Variants in ADGRB3 observed in about 807,000 individuals in gnomAD.
The protein encoded by ADGRB3 is brain-specific angiogenesis inhibitor 3.
ADGRB3 carries 37 observed loss-of-function variants against 193.4 expected under a neutral mutation model. The observed-to-expected ratio is 0.19, with a 90% CI of 0.15 to 0.25. The LOEUF (loss-of-function observed/expected upper bound fraction) is 0.25. ADGRB3 is among the 10% of genes least tolerant of loss of function. The pLI, the probability that ADGRB3 is intolerant of heterozygous loss-of-function variation, is 1.00. For synonymous variants in ADGRB3, 690 were observed against 644.2 expected (o/e 1.07, Z -1.08); for missense variants, 1,637 against 1,852.9 (o/e 0.88, Z 2.14).
intron 3 of ADGRB3, among the ~76,000 whole-genome samples, chr6:68,803,797 C>T (rs1005016518): frequency 6.6e-6 from 1 of 152,180 alleles, no homozygotes; most frequent in Non-Finnish European, 1.5e-5. Context: ...TATTTACCTT[C>T]AGTTCAATAC....
intron 13 of ADGRB3, among the ~76,000 whole-genome samples, chr6:69,041,229 G>A (rs922792679): frequency 6.6e-6 from 1 of 152,134 alleles, no homozygotes; most frequent in Admixed American, 6.5e-5. Flanking sequence ...AGGGTGCAGA[G>A]GACTAGTAGA....
chr6:68,722,054 T>G (rs1765593836), intron 3 of ADGRB3, among the ~76,000 whole-genome samples: 2 of 151,788 alleles, frequency 1.3e-5, no homozygotes, highest in Non-Finnish European at 2.9e-5. Flanking sequence ...TTTTTAGTTA[T>G]CTAACACAGA....
chr6:68,876,189 A>AT (rs1201552977), intron 3 of ADGRB3, among the ~76,000 whole-genome samples: 16 of 152,180 alleles, frequency 1.1e-4, no homozygotes, highest in Admixed American at 6.5e-4. Context: ...TACTATACAC[A>AT]TATACAAGAT....
chr6:69,182,489 C>A (rs556329968), intron 17 of ADGRB3, among the ~76,000 whole-genome samples: 275 of 150,256 alleles, frequency 1.8e-3, no homozygotes, highest in African/African-American at 6.2e-3. Context: ...GCATTGGATT[C>A]TGAATCACTG....
At chr6:69,042,278 A>G (rs1426675592) in intron 13 of ADGRB3, among the ~76,000 whole-genome samples, 1 of 152,304 alleles carries the variant, frequency 6.6e-6, no homozygotes, top group East Asian at 1.9e-4. Flanking sequence ...TTGCAACACG[A>G]GAACAGCCTA....
intron 17 of ADGRB3, among the ~76,000 whole-genome samples, chr6:69,216,097 T>A (rs889086357): frequency 5.9e-5 from 9 of 152,196 alleles, no homozygotes; most frequent in Non-Finnish European, 1.2e-4. Flanking sequence ...AATATTATAA[T>A]GGTTTTGGTG....
At chr6:69,121,751 G>T (rs953663458) in intron 17 of ADGRB3, among the ~76,000 whole-genome samples, 1 of 151,142 alleles carries the variant, frequency 6.6e-6, no homozygotes, top group African/African-American at 2.4e-5. Flanking sequence ...GGGCAGCCAG[G>T]CGTAGGCGCT....
intron 13 of ADGRB3, among the ~76,000 whole-genome samples, chr6:69,030,836 CCTCTTCTCTT>C (rs368217609): frequency 6.6e-6 from 1 of 151,566 alleles, no homozygotes; most frequent in Non-Finnish European, 1.5e-5. Context: ...TTTTCTTTTT[CCTCTTCTCTT>C]CTCTTCTCTT....
intron 17 of ADGRB3, among the ~76,000 whole-genome samples, chr6:69,225,828 C>G (rs376452182): frequency 1.3e-5 from 2 of 152,148 alleles, no homozygotes; most frequent in East Asian, 3.9e-4. Context: ...CACCACAACA[C>G]CTAACACTGA....
At chr6:69,214,276 A>G (rs1765728244) in intron 17 of ADGRB3, among the ~76,000 whole-genome samples, 2 of 152,122 alleles carry the variant, frequency 1.3e-5, no homozygotes, top group South Asian at 4.1e-4. Flanking sequence ...GTGTGGTGCT[A>G]CCCTGAGGCA....
chr6:69,295,653 G>T (rs555652906), intron 20 of ADGRB3, among the ~76,000 whole-genome samples: 1 of 152,166 alleles, frequency 6.6e-6, no homozygotes, highest in South Asian at 2.1e-4. Context: ...CCACCTCTAC[G>T]CTGGTGATGC....
chr6:69,061,138 A>G (rs1771736093), intron 15 of ADGRB3, among the ~76,000 whole-genome samples: 1 of 151,972 alleles, frequency 6.6e-6, no homozygotes, highest in South Asian at 2.1e-4. Flanking sequence ...CAAAAACAAA[A>G]TAGACTTATG....
chr6:69,141,856 G>GCA lies in ADGRB3; in HGVS notation c.2480+65821_2480+65822dup, dbSNP rs372474673. Among the ~76,000 whole-genome samples, 42 of 152,288 alleles carry GCA rather than the reference G, an allele frequency of 2.8e-4. 1 individual carries two copies. Among genetic ancestry groups the GCA allele is most frequent in the African/African-American group, 9.6e-4 (40 of 41,556 alleles). On this transcript the variant is annotated intron_variant, in intron 17 of 31. Transcript: ENST00000370598. ...TCCATTTTAAGATAAGAAAATAAAA[G>GCA]CACAGGGCAGCTGAGATTTGCCTAT...
chr6:69,306,806 T>G (rs1369674324), intron 20 of ADGRB3, among the ~76,000 whole-genome samples: 1 of 151,358 alleles, frequency 6.6e-6, no homozygotes, highest in Non-Finnish European at 1.5e-5. Flanking sequence ...CAGTGTGAAA[T>G]GTACTAATGG....
At chr6:68,666,104 A>G (rs1319513536) in intron 3 of ADGRB3, among the ~76,000 whole-genome samples, 1 of 151,918 alleles carries the variant, frequency 6.6e-6, no homozygotes, top group Non-Finnish European at 1.5e-5. Context: ...GTTCTTCATT[A>G]ATAAATATCT....
At chr6:68,816,688 C>T (rs1435297515) in intron 3 of ADGRB3, among the ~76,000 whole-genome samples, 1 of 151,892 alleles carries the variant, frequency 6.6e-6, no homozygotes, top group Non-Finnish European at 1.5e-5. Flanking sequence ...GATTCCTTCT[C>T]TTTACTTTGC....
intron 3 of ADGRB3, among the ~76,000 whole-genome samples, chr6:68,872,548 G>T (rs1273191914): frequency 6.6e-6 from 1 of 152,064 alleles, no homozygotes; most frequent in Admixed American, 6.6e-5. Flanking sequence ...TTAAGTAATA[G>T]TGTTATTAAA....
Position 69,388,795 on chromosome 6 carries a change from G to A in ADGRB3, c.4473G>A (p.Glu1491=), listed in dbSNP as rs1457992426. Residue 1491 remains glutamate, a synonymous_variant, in exon 32 of 32, where the codon GAG becomes GAA. Coordinates refer to ENST00000370598, the MANE Select transcript of ADGRB3 (RefSeq NM_001704.3). ...HYTTINVLDT[E]AKDALELRPA... ...CCACAATCAATGTCTTAGACACAGA[G>A]GCAAAGGATGCTTTGGAACTGAGGC... is the stretch of plus-strand genomic sequence containing the variant. 1 of 1,613,492 alleles carries A rather than the reference G, an allele frequency of 6.2e-7. No homozygotes were observed. The highest frequency in any genetic ancestry group is 8.5e-7 in the Non-Finnish European group (1 of 1,179,664).
intron 20 of ADGRB3, among the ~76,000 whole-genome samples, chr6:69,269,871 T>C (rs1187698918): frequency 6.6e-6 from 1 of 152,206 alleles, no homozygotes; most frequent in East Asian, 1.9e-4. Flanking sequence ...TATACTTTAC[T>C]GTCATACAAA....
Sources: gnomAD v4.1 joint callset for allele counts (sites outside exome capture counted in the v4.1 genomes callset) on GRCh38, gnomAD v4.1.1 for gene constraint, MANE v1.5 for transcripts, NCBI Gene and HGNC (gene_info 2026-07-23, HGNC 2026-07-21) for gene names.